The following MARCHF1 variants were observed in gnomAD, a reference collection of about 807,000 sequenced individuals.
MARCHF1 encodes the protein E3 ubiquitin-protein ligase MARCHF1.
Under a neutral mutation model 54.2 loss-of-function variants are expected in MARCHF1, and 40 were observed. The ratio of observed to expected loss-of-function variants is 0.74; its 90% confidence interval spans 0.57 to 0.96. The LOEUF (loss-of-function observed/expected upper bound fraction) is 0.96. Ranked by LOEUF, MARCHF1 falls within the 40% of genes least tolerant of loss-of-function variation. MARCHF1 has a pLI of 0.00. For synonymous variants in MARCHF1, 236 were observed against 236.3 expected (o/e 1.00, Z 0.01); for missense variants, 586 against 656.5 (o/e 0.89, Z 1.17).
At chr4:164,254,208 T>G in intron 1 of MARCHF1, among the ~76,000 whole-genome samples, 1 of 151,978 alleles carries the variant, frequency 6.6e-6, no homozygotes, top group East Asian at 1.9e-4. Flanking sequence ...TGTGCCACCA[T>G]GCCTGGCTAA....
At chr4:163,857,596 T>C (rs770499518) in intron 3 of MARCHF1, among the ~76,000 whole-genome samples, 4 of 152,130 alleles carry the variant, frequency 2.6e-5, no homozygotes, top group Non-Finnish European at 4.4e-5. Context: ...TCACAGGAAA[T>C]TGAGATTTAA....
chr4:164,136,030 G>C (rs1483706220), intron 1 of MARCHF1, among the ~76,000 whole-genome samples: 1 of 151,720 alleles, frequency 6.6e-6, no homozygotes, highest in Non-Finnish European at 1.5e-5. Flanking sequence ...AAAAGATACA[G>C]AGAAAAGATA....
chr4:164,054,851 T>C (rs6856318), intron 2 of MARCHF1, among the ~76,000 whole-genome samples: 120,064 of 148,384 alleles, frequency 0.81, 49,013 homozygotes, highest in Non-Finnish European at 0.85. Context: ...GTGGGTGCAG[T>C]GCACCAGCAT....
At chr4:163,648,231 GA>G (rs1742830671) in intron 5 of MARCHF1, among the ~76,000 whole-genome samples, 2 of 151,800 alleles carry the variant, frequency 1.3e-5, no homozygotes, top group Non-Finnish European at 2.9e-5. Context: ...TAACTGTAAA[GA>G]AAAATTATTT....
intron 4 of MARCHF1, among the ~76,000 whole-genome samples, chr4:163,806,691 T>C (rs1015175701): frequency 2.6e-5 from 4 of 152,152 alleles, no homozygotes; most frequent in Non-Finnish European, 4.4e-5. Context: ...GAAGCTAGCA[T>C]GCAAGAAAAA....
Position 163,674,261 on chromosome 4 carries a change from A to G in MARCHF1, c.162+26552T>C, listed in dbSNP as rs371394588. ...GTTATTCAGGTGATGGATATCCTAA[A>G]AGCCCTGACTTCAACACTATGCAAT... is the stretch of plus-strand genomic sequence containing the variant. On this transcript the variant is annotated intron_variant, in intron 5 of 9. Transcript: ENST00000514618. 5.3e-3 allele frequency among the ~76,000 whole-genome samples: 801 copies of G among 152,292 alleles called. 4 individuals carry two copies. Among genetic ancestry groups the G allele is most frequent in the Middle Eastern group, 0.014 (4 of 294 alleles).
intron 4 of MARCHF1, among the ~76,000 whole-genome samples, chr4:163,773,382 A>C (rs528165013): frequency 2.6e-5 from 4 of 152,214 alleles, no homozygotes; most frequent in Non-Finnish European, 5.9e-5. Flanking sequence ...ATATGAACTA[A>C]AGAGGATCAC....
intron 2 of MARCHF1, among the ~76,000 whole-genome samples, chr4:164,035,453 A>C (rs1753971507): frequency 6.6e-6 from 1 of 151,708 alleles, no homozygotes; most frequent in Non-Finnish European, 1.5e-5. Context: ...AGTTCTTTTG[A>C]CTATCTCAGC....
At chr4:163,989,479 C>A (rs1752933513) in intron 2 of MARCHF1, among the ~76,000 whole-genome samples, 1 of 152,098 alleles carries the variant, frequency 6.6e-6, no homozygotes, top group African/African-American at 2.4e-5. Flanking sequence ...AGCTTTATTG[C>A]AACTTCTGTG....
At position 163,527,493 on chromosome 4, in the gene MARCHF1, T is replaced by C. The variant is rs1738156619; in HGVS notation, c.*1255A>G. The C allele has an allele frequency of 1.3e-5, 2 of 148,802 alleles. No individual in the cohort carries two copies. The highest frequency in any genetic ancestry group is 1.4e-4 in the Admixed American group (2 of 14,424). 9.2% of individuals were successfully genotyped at this position (148,802 alleles called of 1,614,324 possible). A position where few individuals can be genotyped will look rare whatever the true frequency, so the allele number is the denominator to read the frequency against. Reference sequence around the variant, plus strand: ...AAGTACTTCATAGTAACAATTTATTTATTTCACAACTCTGCTATAGGCAGA... The same window carrying C: ...AAGTACTTCATAGTAACAATTTATTCATTTCACAACTCTGCTATAGGCAGA... On this transcript the variant is annotated 3_prime_UTR_variant, in exon 10 of 10. Transcript: ENST00000514618.
chr4:164,356,843 C>T (rs1730566940), intron 1 of MARCHF1, among the ~76,000 whole-genome samples: 1 of 146,300 alleles, frequency 6.8e-6, no homozygotes, highest in African/African-American at 2.5e-5. Context: ...TATTACTGCA[C>T]AAATCAGAAA....
chr4:164,074,315 CA>C (rs1400520487), intron 2 of MARCHF1, among the ~76,000 whole-genome samples: 1 of 152,106 alleles, frequency 6.6e-6, no homozygotes, highest in Non-Finnish European at 1.5e-5. Context: ...TCTCTTGCTA[CA>C]ACAAGTTCCG....
intron 1 of MARCHF1, among the ~76,000 whole-genome samples, chr4:164,239,940 ATAAGTACATGCT>A (rs1353681323): frequency 1.3e-5 from 2 of 152,196 alleles, no homozygotes; most frequent in Non-Finnish European, 2.9e-5. Context: ...TCTTGCATTG[ATAAGTACATGCT>A]TAAGTAGAGT....
At chr4:164,295,810 GA>G (rs1490864542) in intron 1 of MARCHF1, among the ~76,000 whole-genome samples, 1 of 152,148 alleles carries the variant, frequency 6.6e-6, no homozygotes, top group East Asian at 1.9e-4. Flanking sequence ...ATTTGTTAAA[GA>G]AATGGAAGAA....
chr4:163,790,149 TGAGAAAGAAAG>T (rs1165084049), intron 4 of MARCHF1, among the ~76,000 whole-genome samples: 3 of 152,130 alleles, frequency 2.0e-5, no homozygotes, highest in Non-Finnish European at 2.9e-5. Context: ...GGCAGTCATA[TGAGAAAGAAAG>T]GTATACTAAT....
At chr4:163,784,854 T>C (rs1397636902) in intron 4 of MARCHF1, among the ~76,000 whole-genome samples, 1 of 50,660 alleles carries the variant, frequency 2.0e-5, no homozygotes, top group Non-Finnish European at 8.1e-5. Context: ...AAAAATCTGA[T>C]TCCCACAAAA....
At chr4:164,051,239 GAATA>G (rs1457919701) in intron 2 of MARCHF1, among the ~76,000 whole-genome samples, 4 of 152,154 alleles carry the variant, frequency 2.6e-5, no homozygotes, top group Non-Finnish European at 4.4e-5. Context: ...TACGGAAACA[GAATA>G]AATATCTGTT....
At chr4:164,346,677 T>C (rs1474674070) in intron 1 of MARCHF1, among the ~76,000 whole-genome samples, 1 of 136,988 alleles carries the variant, frequency 7.3e-6, no homozygotes, top group Admixed American at 7.8e-5. Flanking sequence ...TATGTCCATA[T>C]GCTTTTATAA....
intron 1 of MARCHF1, among the ~76,000 whole-genome samples, chr4:164,129,028 A>C (rs1756245878): frequency 6.6e-6 from 1 of 152,128 alleles, no homozygotes; most frequent in African/African-American, 2.4e-5. Context: ...CATCCCACCT[A>C]ATGGCTTCTG....
Sources: gnomAD v4.1 joint callset for allele counts (sites outside exome capture counted in the v4.1 genomes callset) on GRCh38, gnomAD v4.1.1 for gene constraint, MANE v1.5 for transcripts, NCBI Gene and HGNC (gene_info 2026-07-23, HGNC 2026-07-21) for gene names.